Variants in GSG1L observed in about 807,000 individuals in gnomAD.
The protein encoded by GSG1L is GSG1 like, also known as germ cell-specific gene 1-like protein.
GSG1L carries 24 observed loss-of-function variants against 42.1 expected under a neutral mutation model. The observed-to-expected ratio is 0.57, with a 90% CI of 0.41 to 0.80. The LOEUF (loss-of-function observed/expected upper bound fraction) is 0.80. Ranked by LOEUF, GSG1L falls within the 30% of genes least tolerant of loss-of-function variation. GSG1L has a pLI of 0.00. For synonymous variants in GSG1L, 215 were observed against 203.5 expected (o/e 1.06, Z -0.48); for missense variants, 445 against 472.2 (o/e 0.94, Z 0.53).
chr16:27,953,083 T>C (rs1033326707), intron 2 of GSG1L, among the ~76,000 whole-genome samples: 4 of 152,216 alleles, frequency 2.6e-5, no homozygotes, highest in Admixed American at 6.5e-5. Flanking sequence ...AGCAGTCATA[T>C]TTGTTTTTTT....
intron 3 of GSG1L, among the ~76,000 whole-genome samples, chr16:27,854,345 C>T (rs909807851): frequency 1.4e-4 from 11 of 78,260 alleles, no homozygotes; most frequent in South Asian, 3.8e-4. Flanking sequence ...AGGAGGGGGA[C>T]GGAAGGAGGA....
intron 3 of GSG1L, among the ~76,000 whole-genome samples, chr16:27,883,190 A>G (rs2083982241): frequency 6.6e-6 from 1 of 151,550 alleles, no homozygotes; most frequent in South Asian, 2.1e-4. Flanking sequence ...TTTTTCCTTC[A>G]ACTCCCCCAA....
chr16:27,847,740 G>A (rs1422357301), intron 3 of GSG1L, among the ~76,000 whole-genome samples: 2 of 152,238 alleles, frequency 1.3e-5, no homozygotes, highest in Non-Finnish European at 2.9e-5. Context: ...GTTCTCACGA[G>A]AGAGCTGGTT....
chr16:28,027,775 C>A (rs1407815368), intron 1 of GSG1L, among the ~76,000 whole-genome samples: 3 of 152,104 alleles, frequency 2.0e-5, no homozygotes, highest in African/African-American at 7.2e-5. Flanking sequence ...AATCCCAGCA[C>A]TTTGGGAGGA....
chr16:28,051,509 GA>G lies in GSG1L; in HGVS notation c.349+11566del, dbSNP rs76931460. On this transcript the variant is annotated intron_variant, in intron 1 of 6. Transcript: ENST00000447459. ...CATGTCAGGTAGGGGGAAGTGTTAC[GA>G]AAAAAAAAAAAAAACAAGCTGCGTA... 3.0e-3 allele frequency among the ~76,000 whole-genome samples: 395 copies of G among 130,574 alleles called. 1 individual carries two copies. Among genetic ancestry groups the G allele is most frequent in the East Asian group, 6.1e-3 (28 of 4,584 alleles). 85.7% of individuals were successfully genotyped at this position (130,574 alleles called of 152,430 possible).
chr16:28,021,866 T>C (rs1393173111), intron 1 of GSG1L, among the ~76,000 whole-genome samples: 2 of 152,066 alleles, frequency 1.3e-5, no homozygotes, highest in African/African-American at 4.8e-5. Flanking sequence ...CCAGCTGGGG[T>C]TGGCACCTCT....
chr16:27,940,138 C>G (rs991952269), intron 2 of GSG1L, among the ~76,000 whole-genome samples: 3 of 152,058 alleles, frequency 2.0e-5, no homozygotes, highest in African/African-American at 7.2e-5. Context: ...AAATGCAAAT[C>G]AAAACCACAG....
intron 1 of GSG1L, among the ~76,000 whole-genome samples, chr16:28,000,421 C>T (rs754775663): frequency 1.3e-5 from 2 of 152,230 alleles, no homozygotes; most frequent in Non-Finnish European, 2.9e-5. Context: ...GACATTTCCT[C>T]TGGACGATCC....
intron 2 of GSG1L, among the ~76,000 whole-genome samples, chr16:27,947,954 G>C (rs1419586075): frequency 1.3e-5 from 2 of 152,140 alleles, no homozygotes; most frequent in Non-Finnish European, 2.9e-5. Flanking sequence ...GGTGCCTGAG[G>C]CTGGAGGGCC....
At chr16:27,932,838 G>A (rs1025314990) in intron 2 of GSG1L, among the ~76,000 whole-genome samples, 1 of 152,010 alleles carries the variant, frequency 6.6e-6, no homozygotes, top group Non-Finnish European at 1.5e-5. Context: ...TTCCACCGCT[G>A]CCATAAGAAT....
At chr16:27,891,260 C>T (rs920297436) in intron 2 of GSG1L, among the ~76,000 whole-genome samples, 2 of 152,112 alleles carry the variant, frequency 1.3e-5, no homozygotes, top group Non-Finnish European at 2.9e-5. Flanking sequence ...ACTGTCAGAA[C>T]CAAAGAGTGA....
At chr16:27,849,476 G>A (rs1370605371) in intron 3 of GSG1L, among the ~76,000 whole-genome samples, 1 of 152,172 alleles carries the variant, frequency 6.6e-6, no homozygotes, top group Non-Finnish European at 1.5e-5. Context: ...AGGGCCCAGG[G>A]TAAGCTGTTT....
At chr16:27,986,505 CAAAA>C (rs59177321) in intron 1 of GSG1L, among the ~76,000 whole-genome samples, 18 of 137,908 alleles carry the variant, frequency 1.3e-4, no homozygotes, top group East Asian at 2.2e-4. Flanking sequence ...GACTCCGCCT[CAAAA>C]AAAAAAAAAA....
intron 2 of GSG1L, among the ~76,000 whole-genome samples, chr16:27,946,408 G>C (rs2084860245): frequency 6.6e-6 from 1 of 151,658 alleles, no homozygotes; most frequent in Middle Eastern, 3.2e-3. Context: ...AGCCGGGTGT[G>C]GTGGCGGGCA....
intron 3 of GSG1L, among the ~76,000 whole-genome samples, chr16:27,861,352 G>A (rs1427103936): frequency 6.6e-6 from 1 of 151,704 alleles, no homozygotes; most frequent in South Asian, 2.1e-4. Flanking sequence ...ACTCTAGCCT[G>A]GGCAACAGTG....
Position 27,874,833 on chromosome 16 carries a change from C to T in GSG1L, c.550+9653G>A, listed in dbSNP as rs77884126. ...TCCGTGAATCATTCTAGTGAATTAT[C>T]GAAGCCTTGTATTTGTAGCCAGTTG... On this transcript the variant is annotated intron_variant, in intron 3 of 6. Transcript: ENST00000447459. 6.2e-4 allele frequency among the ~76,000 whole-genome samples: 95 copies of T among 152,264 alleles called. 1 individual carries two copies. Among genetic ancestry groups the T allele is most frequent in the African/African-American group, 2.1e-3 (87 of 41,546 alleles).
intron 2 of GSG1L, among the ~76,000 whole-genome samples, chr16:27,909,241 T>G (rs76375291): frequency 0.028 from 4,255 of 152,226 alleles, 75 homozygotes; most frequent in Non-Finnish European, 0.045. Flanking sequence ...TTGTGAGACT[T>G]TGGGCCCCAG....
Position 27,830,999 on chromosome 16 carries a change from T to C in GSG1L, c.663-2043A>G, listed in dbSNP as rs576138914. Among the ~76,000 whole-genome samples, 9 of 152,376 alleles carry C rather than the reference T, an allele frequency of 5.9e-5. No homozygotes were observed. In the South Asian group the frequency reaches 1.4e-3, roughly 25 times the overall value. ...GGGCTGGCCCCAACCCCAACATCCA[T>C]GTGAGCACATGACCTCGGCTTGGCT... On this transcript the variant is annotated intron_variant, in intron 4 of 6. Transcript: ENST00000447459.
Position 27,807,313 on chromosome 16 carries a change from C to T in GSG1L, c.898+174G>A, listed in dbSNP as rs1349977130. On this transcript the variant is annotated intron_variant, in intron 6 of 6. Coordinates refer to ENST00000447459, the MANE Select transcript of GSG1L (RefSeq NM_001109763.2). ...GGAAGCCTGTGGGGAGAGCTGCGTG[C>T]AGGGGCTTGCTACCCTGAGACACCA... Among the ~76,000 whole-genome samples, 3 of 152,252 alleles carry T rather than the reference C, an allele frequency of 2.0e-5. No homozygotes were observed. The East Asian group carries it at 5.8e-4, about 29-fold the overall frequency.
Sources: allele counts gnomAD v4.1 joint callset (sites outside exome capture counted in the v4.1 genomes callset), GRCh38; gene constraint gnomAD v4.1.1; transcripts MANE v1.5; gene names NCBI Gene and HGNC (gene_info 2026-07-23, HGNC 2026-07-21).